Variants in SCHIP1 observed in about 807,000 individuals in gnomAD.
SCHIP1 encodes schwannomin-interacting protein 1.
SCHIP1 carries 8 observed loss-of-function variants against 29.7 expected under a neutral mutation model. The ratio of observed to expected loss-of-function variants is 0.27; its 90% CI spans 0.16 to 0.49. SCHIP1 has a LOEUF of 0.49. Ranked by LOEUF, SCHIP1 falls within the 20% of genes least tolerant of loss-of-function variation. The pLI is 0.99. For missense variants in SCHIP1, 193 were observed against 294.6 expected, an observed-to-expected ratio of 0.66 and a Z score of 2.52; for synonymous variants, 76 against 94.9, an observed-to-expected ratio of 0.80 and a Z score of 1.16.
the SCHIP1 span, among the ~76,000 whole-genome samples, chr3:159,718,736 C>T: frequency 3.3e-5 from 5 of 152,028 alleles, no homozygotes; most frequent in Non-Finnish European, 7.4e-5. Flanking sequence ...TAAAAGAGGA[C>T]ACAAACAAAT....
the SCHIP1 span, among the ~76,000 whole-genome samples, chr3:159,400,975 G>A: frequency 6.6e-6 from 1 of 152,300 alleles, no homozygotes; most frequent in Non-Finnish European, 1.5e-5. Flanking sequence ...CATAATAATA[G>A]TATTTGCCTA....
chr3:159,872,658 C>T (rs1049484347), intron 2 of SCHIP1, among the ~76,000 whole-genome samples: 4 of 152,178 alleles, frequency 2.6e-5, no homozygotes, highest in African/African-American at 9.7e-5. Context: ...TCTGAGAACA[C>T]GATGACTGTT....
the SCHIP1 span, among the ~76,000 whole-genome samples, chr3:159,660,198 T>A: frequency 6.6e-6 from 1 of 152,062 alleles, no homozygotes; most frequent in Non-Finnish European, 1.5e-5. Context: ...TAGTGCCCTC[T>A]CTCCTTATCT....
chr3:159,789,624 A>G, the SCHIP1 span, among the ~76,000 whole-genome samples: 2 of 152,208 alleles, frequency 1.3e-5, no homozygotes, highest in South Asian at 2.1e-4. Flanking sequence ...GTTGGGCCCC[A>G]AAATTTGTAT....
the SCHIP1 span, among the ~76,000 whole-genome samples, chr3:159,603,537 A>T: frequency 9.5e-4 from 145 of 152,286 alleles, 5 homozygotes; most frequent in Admixed American, 9.5e-3. Flanking sequence ...TTAACATACA[A>T]AATGACACAT....
the SCHIP1 span, among the ~76,000 whole-genome samples, chr3:159,475,561 T>C: frequency 2.6e-5 from 4 of 152,122 alleles, no homozygotes; most frequent in African/African-American, 9.7e-5. Context: ...GTTTTAAAAA[T>C]AGTGAATTTT....
chr3:159,492,307 T>G, the SCHIP1 span, among the ~76,000 whole-genome samples: 73 of 152,166 alleles, frequency 4.8e-4, no homozygotes, highest in African/African-American at 1.7e-3. Context: ...TACTCCAAGC[T>G]AAAGGAGGAA....
chr3:159,373,697 ATG>A, the SCHIP1 span, among the ~76,000 whole-genome samples: 1 of 152,130 alleles, frequency 6.6e-6, no homozygotes, highest in Non-Finnish European at 1.5e-5. Flanking sequence ...ACTTAGCAGA[ATG>A]TTCTCCAATT....
chr3:159,575,500 A>G, the SCHIP1 span, among the ~76,000 whole-genome samples: 17 of 152,126 alleles, frequency 1.1e-4, no homozygotes, highest in Admixed American at 2.6e-4. Context: ...CAGTGGCACA[A>G]TCATGGCTCA....
the SCHIP1 span, among the ~76,000 whole-genome samples, chr3:159,303,686 C>A: frequency 1.3e-5 from 2 of 151,952 alleles, no homozygotes; most frequent in Non-Finnish European, 2.9e-5. Flanking sequence ...TTAGGAAATC[C>A]ACAGGTGTCC....
At chr3:159,372,788 A>ATGTC in the SCHIP1 span, among the ~76,000 whole-genome samples, 1 of 151,800 alleles carries the variant, frequency 6.6e-6, no homozygotes, top group East Asian at 1.9e-4. Flanking sequence ...TCTGATTTTA[A>ATGTC]TGTCTATAAA....
At position 159,896,705 on chromosome 3, in the gene SCHIP1, G is replaced by A; in HGVS notation, c.684-18G>A. 2 of 1,593,474 alleles carry A rather than the reference G, an allele frequency of 1.3e-6. No individual in the cohort carries two copies. The highest frequency in any genetic ancestry group is 1.7e-6 in the Non-Finnish European group (2 of 1,172,288). ...TCTCTCTACATGATGCTAAATAATT[G>A]TATTAATTGTTTTACAGACATGCTG... is the stretch of plus-strand genomic sequence containing the variant. On this transcript the variant is annotated intron_variant, in intron 6 of 6. Coordinates refer to ENST00000445224, the Ensembl canonical transcript of SCHIP1.
At chr3:159,580,196 T>C in the SCHIP1 span, among the ~76,000 whole-genome samples, 663 of 152,324 alleles carry the variant, frequency 4.4e-3, 7 homozygotes, top group African/African-American at 0.015. Context: ...TATGTATTCA[T>C]CCATCCATCT....
the SCHIP1 span, among the ~76,000 whole-genome samples, chr3:159,405,651 G>T: frequency 6.6e-6 from 1 of 152,024 alleles, no homozygotes; most frequent in Non-Finnish European, 1.5e-5. Flanking sequence ...GGCCGAGGCA[G>T]GCAGACCACG....
the SCHIP1 span, among the ~76,000 whole-genome samples, chr3:159,678,724 G>A: frequency 6.6e-6 from 1 of 152,196 alleles, no homozygotes; most frequent in African/African-American, 2.4e-5. Context: ...AATTTATAAA[G>A]GAAAGAGGTT....
the SCHIP1 span, among the ~76,000 whole-genome samples, chr3:159,382,600 A>G: frequency 1.3e-5 from 2 of 152,106 alleles, no homozygotes; most frequent in African/African-American, 4.8e-5. Flanking sequence ...AGCATGATTT[A>G]TAATCCTTTG....
At chr3:159,489,660 A>G in the SCHIP1 span, among the ~76,000 whole-genome samples, 1 of 152,170 alleles carries the variant, frequency 6.6e-6, no homozygotes, top group African/African-American at 2.4e-5. Context: ...ACAGCCAAAA[A>G]TTGGGGGAAA....
chr3:159,607,857 T>A, the SCHIP1 span, among the ~76,000 whole-genome samples: 1 of 152,130 alleles, frequency 6.6e-6, no homozygotes, highest in Non-Finnish European at 1.5e-5. Context: ...TTGACATACA[T>A]ATAAATGTCT....
the SCHIP1 span, among the ~76,000 whole-genome samples, chr3:159,619,785 G>T: frequency 6.6e-6 from 1 of 152,040 alleles, no homozygotes; most frequent in Non-Finnish European, 1.5e-5. Flanking sequence ...AGTTTTATTT[G>T]GCCTAGAAAA....
Sources: allele counts gnomAD v4.1 joint callset (sites outside exome capture counted in the v4.1 genomes callset), GRCh38; gene constraint gnomAD v4.1.1; transcripts MANE v1.5; gene names NCBI Gene and HGNC (gene_info 2026-07-23, HGNC 2026-07-21).